The following SYN3 variants were observed in gnomAD, a reference collection of about 807,000 sequenced individuals.
SYN3 encodes the protein synapsin-3.
SYN3 carries 35 observed loss-of-function variants against 65.8 expected under a neutral mutation model. The observed-to-expected ratio is 0.53, with a 90% CI of 0.41 to 0.70. SYN3 has a LOEUF of 0.70. Ranked by LOEUF, SYN3 falls within the 30% of genes least tolerant of loss-of-function variation. The pLI is 0.00. For missense variants in SYN3, 680 were observed against 749.0 expected, an observed-to-expected ratio of 0.91 and a Z score of 1.08; for synonymous variants, 270 against 292.9, an observed-to-expected ratio of 0.92 and a Z score of 0.80.
At chr22:32,708,062 C>A (rs2060903712) in intron 6 of SYN3, among the ~76,000 whole-genome samples, 1 of 152,224 alleles carries the variant, frequency 6.6e-6, no homozygotes, top group Non-Finnish European at 1.5e-5. Flanking sequence ...TTAGCATTCA[C>A]ATCTGACAGT....
intron 2 of SYN3, among the ~76,000 whole-genome samples, chr22:32,996,861 T>A (rs900547339): frequency 2.0e-5 from 3 of 152,216 alleles, no homozygotes; most frequent in Non-Finnish European, 4.4e-5. Flanking sequence ...CGGGGCTGCC[T>A]GGCTCGAGGT....
intron 6 of SYN3, among the ~76,000 whole-genome samples, chr22:32,753,510 C>T (rs2145670154): frequency 6.6e-6 from 1 of 152,364 alleles, no homozygotes; most frequent in South Asian, 2.1e-4. Context: ...GGCCTACACC[C>T]AGCCACCGCT....
intron 3 of SYN3, among the ~76,000 whole-genome samples, chr22:32,965,397 T>C (rs2051799165): frequency 2.0e-5 from 3 of 152,194 alleles, no homozygotes; most frequent in East Asian, 1.9e-4. Context: ...TTGAGAAATA[T>C]ATATTGAACA....
chr22:32,702,981 A>G (rs762264624), intron 6 of SYN3, among the ~76,000 whole-genome samples: 6 of 152,232 alleles, frequency 3.9e-5, no homozygotes, highest in Non-Finnish European at 8.8e-5. Context: ...GACAAACTAC[A>G]CAAGTAATTA....
At chr22:32,720,246 G>A (rs2061097768) in intron 6 of SYN3, among the ~76,000 whole-genome samples, 1 of 152,170 alleles carries the variant, frequency 6.6e-6, no homozygotes, top group Admixed American at 6.5e-5. Context: ...AGTCCAACCT[G>A]GGTTTGTCTT....
At chr22:32,817,059 A>AG in intron 6 of SYN3, among the ~76,000 whole-genome samples, 1 of 25,760 alleles carries the variant, frequency 3.9e-5, no homozygotes, top group South Asian at 8.0e-4. Flanking sequence ...GTCTCTACTA[A>AG]TTTAAAAAAA....
chr22:32,896,683 T>A (rs953584006), intron 4 of SYN3, among the ~76,000 whole-genome samples: 1 of 152,232 alleles, frequency 6.6e-6, no homozygotes, highest in Non-Finnish European at 1.5e-5. Context: ...TTATAGCTTT[T>A]AAAGCATTTT....
intron 1 of SYN3, among the ~76,000 whole-genome samples, chr22:33,008,673 G>C: frequency 6.6e-6 from 1 of 152,016 alleles, no homozygotes; most frequent in South Asian, 2.1e-4. Context: ...CAGAACTTTG[G>C]GAAGCTGAGG....
chr22:32,745,701 G>A (rs2044912074), intron 6 of SYN3, among the ~76,000 whole-genome samples: 1 of 152,178 alleles, frequency 6.6e-6, no homozygotes, highest in Non-Finnish European at 1.5e-5. Context: ...GGCAGAGAGA[G>A]AAACGGACAC....
chr22:32,562,589 C>T (rs2058602348), intron 7 of SYN3, among the ~76,000 whole-genome samples: 1 of 152,202 alleles, frequency 6.6e-6, no homozygotes, highest in South Asian at 2.1e-4. Context: ...GTGGACTTGA[C>T]CGGCTCTGCC....
At chr22:32,815,447 T>C (rs1471871000) in intron 6 of SYN3, among the ~76,000 whole-genome samples, 1 of 152,220 alleles carries the variant, frequency 6.6e-6, no homozygotes. Flanking sequence ...TTAACATTTA[T>C]TGATTTGTTT....
intron 1 of SYN3, among the ~76,000 whole-genome samples, chr22:33,035,233 A>G (rs12484091): frequency 0.18 from 27,530 of 151,110 alleles, 2,813 homozygotes; most frequent in East Asian, 0.41. Context: ...TTCATTTAAC[A>G]TTTCCTAAGT....
At chr22:32,937,694 C>A (rs1292670338) in intron 3 of SYN3, among the ~76,000 whole-genome samples, 1 of 152,144 alleles carries the variant, frequency 6.6e-6, no homozygotes, top group Admixed American at 6.6e-5. Flanking sequence ...CAGGCCCCAC[C>A]TCCAACAGCG....
At chr22:32,686,590 ATTTTTTTT>A (rs149862418) in intron 6 of SYN3, among the ~76,000 whole-genome samples, 4 of 72,342 alleles carry the variant, frequency 5.5e-5, no homozygotes, top group East Asian at 5.5e-4. Flanking sequence ...CTGCTCCTCC[ATTTTTTTT>A]TTTTTTTTTT....
chr22:32,610,124 T>C (rs2059421549), intron 6 of SYN3, among the ~76,000 whole-genome samples: 1 of 151,856 alleles, frequency 6.6e-6, no homozygotes, highest in Non-Finnish European at 1.5e-5. Flanking sequence ...CTACTAAAAA[T>C]ACAAAAATTA....
At chr22:32,540,234 AC>A (rs1427885692) in intron 8 of SYN3, among the ~76,000 whole-genome samples, 1 of 152,218 alleles carries the variant, frequency 6.6e-6, no homozygotes, top group African/African-American at 2.4e-5. Context: ...TGCTAAAGCA[AC>A]CACAGGCAAT....
intron 7 of SYN3, among the ~76,000 whole-genome samples, chr22:32,580,487 T>A (rs1025134206): frequency 4.6e-5 from 7 of 152,192 alleles, no homozygotes; most frequent in Non-Finnish European, 1.0e-4. Context: ...AATTTATAAA[T>A]TAAACTATAT....
intron 6 of SYN3, among the ~76,000 whole-genome samples, chr22:32,774,170 G>A (rs1353496688): frequency 6.6e-6 from 1 of 152,144 alleles, no homozygotes; most frequent in African/African-American, 2.4e-5. Flanking sequence ...GTTATGAATT[G>A]AAAAATGTAA....
intron 6 of SYN3, among the ~76,000 whole-genome samples, chr22:32,825,970 G>A (rs78022998): frequency 8.9e-4 from 135 of 152,322 alleles, no homozygotes; most frequent in Non-Finnish European, 1.5e-3. Flanking sequence ...CAAGTTTATA[G>A]TAGCATAGGG....
Sources: allele counts gnomAD v4.1 joint callset (sites outside exome capture counted in the v4.1 genomes callset), GRCh38; gene constraint gnomAD v4.1.1; transcripts MANE v1.5; gene names NCBI Gene and HGNC (gene_info 2026-07-23, HGNC 2026-07-21).